Variants in CMTM3 observed in about 807,000 individuals in gnomAD.
The protein encoded by CMTM3 is CKLF like MARVEL transmembrane domain containing 3.
In CMTM3, 7 loss-of-function variants were observed where a neutral mutation model predicts 18.2. The observed-to-expected ratio is 0.38, with a 90% CI of 0.22 to 0.72. The LOEUF (loss-of-function observed/expected upper bound fraction) is 0.72, where lower values mean the gene tolerates loss of function less well. CMTM3 is among the 30% of genes least tolerant of loss of function. CMTM3 has a pLI of 0.46. For synonymous variants in CMTM3, 109 were observed against 111.2 expected (o/e 0.98, Z 0.12); for missense variants, 227 against 249.2 (o/e 0.91, Z 0.60).
chr16:66,609,757 A>AG lies in CMTM3; in HGVS notation c.400-122dup. ...TCATTTTCCCACTTCCGTTACTCAC[A>AG]GGGGTCTGTGCCTGACACTCGGGCT... On this transcript the variant is annotated intron_variant, in intron 3 of 4. Coordinates refer to ENST00000567572, the MANE Select transcript of CMTM3 (RefSeq NM_181553.4). The surrounding 1 kb of genome is among the most constrained non-coding windows in gnomAD (Gnocchi z 4.4). 1 of 1,594,538 alleles carries AG rather than the reference A, an allele frequency of 6.3e-7. No individual in the cohort carries two copies. The highest frequency in any genetic ancestry group is 8.5e-7 in the Non-Finnish European group (1 of 1,170,678).
chr16:66,609,835 G>C lies in CMTM3; in HGVS notation c.400-48G>C, dbSNP rs199547700. On this transcript the variant is annotated intron_variant, in intron 3 of 4. Coordinates refer to ENST00000567572, the MANE Select transcript of CMTM3 (RefSeq NM_181553.4). The surrounding 1 kb of genome is among the most constrained non-coding windows in gnomAD (Gnocchi z 4.4). The stretch of plus-strand genomic sequence containing the variant: ...CGTGAGGCTGGGGCAGCAGCCTCCC[G>C]GAGCAGGGAGTCAGCCCTGTGATGC... The C allele has an allele frequency of 6.2e-7, 1 of 1,614,050 alleles. No homozygotes were observed. Among genetic ancestry groups the C allele is most frequent in the Non-Finnish European group, 8.5e-7 (1 of 1,180,024 alleles).
upstream of CMTM3, chr16:66,604,126 TGCGCGCGC>T (rs112822114): frequency 0.12 from 18,897 of 152,058 alleles, 1,420 homozygotes; most frequent in African/African-American, 0.21. Context: ...TGTGTGTGTT[TGCGCGCGC>T]GCGCGCGTGT....
chr16:66,608,659 G>A lies in CMTM3; in HGVS notation c.303+195G>A, dbSNP rs1460592826. ...GCAGCCCTGTGACCTCAAGTGGGCTGTGGTGCCTCTAGAGCAGGTCTGTGA... is the reference window on the plus strand; with the variant it reads ...GCAGCCCTGTGACCTCAAGTGGGCTATGGTGCCTCTAGAGCAGGTCTGTGA... On this transcript the variant is annotated intron_variant, in intron 2 of 4. Coordinates refer to ENST00000567572, the MANE Select transcript of CMTM3 (RefSeq NM_181553.4). The surrounding 1 kb of genome is among the most constrained non-coding windows in gnomAD (Gnocchi z 5.1). 2.6e-5 allele frequency among the ~76,000 whole-genome samples: 4 copies of A among 152,236 alleles called. No homozygotes were observed. Among genetic ancestry groups the A allele is most frequent in the Admixed American group, 2.6e-4 (4 of 15,284 alleles).
At chr16:66,606,311 G>T (rs1340515062) in intron 1 of CMTM3, among the ~76,000 whole-genome samples, 1 of 152,098 alleles carries the variant, frequency 6.6e-6, no homozygotes. Context: ...ATTGAGAGGG[G>T]AATCCCCAGA....
In CMTM3 at chr16:66,609,533, G is replaced by A. The variant is rs200389814; in HGVS notation, c.399+3G>A. 2.3e-4 allele frequency: 369 copies of A among 1,591,722 alleles called. 1 individual carries two copies. The African/African-American group carries it at 3.9e-3, about 17-fold the overall frequency. On this transcript the variant is annotated splice_donor_region_variant and intron_variant, in intron 3 of 4. Transcript: ENST00000567572. This position sits in a 1 kb window ranked among gnomAD's most constrained non-coding sequence, Gnocchi z 4.4. ...ATGGGGCTTCCAAAGCCGCTGGGGT[G>A]AGCAGCCGCCCCACCCCTCTGGAAA...
chr16:66,607,840 T>TA lies in CMTM3; in HGVS notation c.148-469_148-468insA, dbSNP rs1318890051. ...GTGAGCCTGGGCCATGCTGGGTTTT[T>TA]TTTTTTTGTAGGGGCGGGTGCGGAC... On this transcript the variant is annotated intron_variant, in intron 1 of 4. Transcript: ENST00000567572. Among the ~76,000 whole-genome samples, 3 of 151,730 alleles carry TA rather than the reference T, an allele frequency of 2.0e-5. No homozygotes were observed. In the East Asian group the frequency reaches 5.8e-4, roughly 29 times the overall value.
At position 66,612,687 on chromosome 16, in the gene CMTM3, G is replaced by C; in HGVS notation, c.*50G>C. The C allele has an allele frequency of 6.3e-7, 1 of 1,593,900 alleles. No homozygotes were observed. Among genetic ancestry groups the C allele is most frequent in the Non-Finnish European group, 8.6e-7 (1 of 1,162,966 alleles). ...CTGAGCCACACAGGCCTCCACCCCT[G>C]CGCCTCACAGGGGTCGCTGGCGTTG... On this transcript the variant is annotated 3_prime_UTR_variant, in exon 5 of 5. Transcript: ENST00000567572. This position sits in a 1 kb window ranked among gnomAD's most constrained non-coding sequence, Gnocchi z 6.0.
intron 4 of CMTM3, among the ~76,000 whole-genome samples, chr16:66,611,713 G>A (rs932921906): frequency 6.6e-5 from 10 of 152,262 alleles, no homozygotes; most frequent in African/African-American, 2.4e-4. Flanking sequence ...TCCTTCTGGG[G>A]TGGAGGTTCC....
Position 66,610,127 on chromosome 16 carries a change from C to A in CMTM3, c.520+124C>A, listed in dbSNP as rs577939260. Reference sequence around the variant, plus strand: ...CTCTCCCCATGGCAGGAAGTGTTTTCACAGCCCATTCTCACCTACCCTCAT... The same window carrying A: ...CTCTCCCCATGGCAGGAAGTGTTTTAACAGCCCATTCTCACCTACCCTCAT... On this transcript the variant is annotated intron_variant, in intron 4 of 4. Transcript: ENST00000567572. This position sits in a 1 kb window ranked among gnomAD's most constrained non-coding sequence, Gnocchi z 4.6. 1.0e-5 allele frequency: 13 copies of A among 1,271,998 alleles called. No homozygotes were observed. In the South Asian group the frequency reaches 1.8e-4, roughly 17 times the overall value. The allele number at this position is 1,271,998 out of a possible 1,614,324, so 78.8% of individuals were successfully genotyped here. A position where few individuals can be genotyped will look rare whatever the true frequency, so the allele number is the denominator to read the frequency against.
At position 66,613,402 on chromosome 16, in the gene CMTM3, C is replaced by A; in HGVS notation, c.*765C>A. 2.4e-6 allele frequency: 1 copy of A among 414,980 alleles called. No individual in the cohort carries two copies. Among genetic ancestry groups the A allele is most frequent in the East Asian group, 3.9e-5 (1 of 25,406 alleles). 25.7% of individuals were successfully genotyped at this position (414,980 alleles called of 1,614,324 possible). A position where few individuals can be genotyped will look rare whatever the true frequency, so the allele number is the denominator to read the frequency against. Reference sequence around the variant, plus strand: ...GGGGAGCTGGGCGGGCCCAGCCAAACCCTCCTTCTTCCTAGAGCCCAGCCA... The same window carrying A: ...GGGGAGCTGGGCGGGCCCAGCCAAAACCTCCTTCTTCCTAGAGCCCAGCCA... On this transcript the variant is annotated 3_prime_UTR_variant, in exon 5 of 5. Coordinates refer to ENST00000567572, the MANE Select transcript of CMTM3 (RefSeq NM_181553.4).
chr16:66,612,712 G>A lies in CMTM3; in HGVS notation c.*75G>A. Reference sequence around the variant, plus strand: ...GCGCCTCACAGGGGTCGCTGGCGTTGGAGCGGAGGCCTGGACTTCTGAGTT... The same window carrying A: ...GCGCCTCACAGGGGTCGCTGGCGTTAGAGCGGAGGCCTGGACTTCTGAGTT... On this transcript the variant is annotated 3_prime_UTR_variant, in exon 5 of 5. Transcript: ENST00000567572. This position sits in a 1 kb window ranked among gnomAD's most constrained non-coding sequence, Gnocchi z 6.0. 6.8e-7 allele frequency: 1 copy of A among 1,463,980 alleles called. No individual in the cohort carries two copies. Among genetic ancestry groups the A allele is most frequent in the South Asian group, 1.2e-5 (1 of 86,338 alleles). 90.7% of individuals were successfully genotyped at this position (1,463,980 alleles called of 1,614,324 possible). A position where few individuals can be genotyped will look rare whatever the true frequency, so the allele number is the denominator to read the frequency against.
upstream of CMTM3, chr16:66,604,017 G>C (rs2015019356): frequency 1.3e-5 from 2 of 152,674 alleles, no homozygotes; most frequent in Middle Eastern, 6.8e-3. Context: ...AGATGTGCAC[G>C]CATGTGCGTG....
In CMTM3 at chr16:66,609,840, A is replaced by G. The variant is rs780269239; in HGVS notation, c.400-43A>G. 3 of 1,614,200 alleles carry G rather than the reference A, an allele frequency of 1.9e-6. No individual in the cohort carries two copies. Among genetic ancestry groups the G allele is most frequent in the Non-Finnish European group, 2.5e-6 (3 of 1,180,022 alleles). Reference sequence around the variant, plus strand: ...GGCTGGGGCAGCAGCCTCCCGGAGCAGGGAGTCAGCCCTGTGATGCATCCC... The same window carrying G: ...GGCTGGGGCAGCAGCCTCCCGGAGCGGGGAGTCAGCCCTGTGATGCATCCC... On this transcript the variant is annotated intron_variant, in intron 3 of 4. Coordinates refer to ENST00000567572, the MANE Select transcript of CMTM3 (RefSeq NM_181553.4). The surrounding 1 kb of genome is among the most constrained non-coding windows in gnomAD (Gnocchi z 4.4).
rs71392154 is a variant in CMTM3 at position 66,609,588 on chromosome 16, G to A, written c.399+58G>A. The A allele has an allele frequency of 1.3e-6, 2 of 1,535,976 alleles. No individual in the cohort carries two copies. The highest frequency in any genetic ancestry group is 2.7e-5 in the African/African-American group (2 of 73,122). ...AGATGCCCCTCTAGCCCCTCATTTA[G>A]GGTGGGACCTGGGGCAGAGCCTTTC... On this transcript the variant is annotated intron_variant, in intron 3 of 4. Transcript: ENST00000567572. This position sits in a 1 kb window ranked among gnomAD's most constrained non-coding sequence, Gnocchi z 4.4.
Position 66,610,152 on chromosome 16 carries a change from T to C in CMTM3, c.520+149T>C. 1 of 970,940 alleles carries C rather than the reference T, an allele frequency of 1.0e-6. No homozygotes were observed. The highest frequency in any genetic ancestry group is 1.5e-6 in the Non-Finnish European group (1 of 653,386). The allele number at this position is 970,940 out of a possible 1,614,324, so 60.1% of individuals were successfully genotyped here. On this transcript the variant is annotated intron_variant, in intron 4 of 4. Coordinates refer to ENST00000567572, the MANE Select transcript of CMTM3 (RefSeq NM_181553.4). The surrounding 1 kb of genome is among the most constrained non-coding windows in gnomAD (Gnocchi z 4.6). ...CACAGCCCATTCTCACCTACCCTCA[T>C]GCAGCACTGATCCAAAGCCAGTCCC...
Position 66,604,717 on chromosome 16 carries a change from C to G in CMTM3, c.-89C>G, listed in dbSNP as rs895615614. 3.8e-6 allele frequency: 4 copies of G among 1,051,512 alleles called. No individual in the cohort carries two copies. The African/African-American group carries it at 6.6e-5, about 17-fold the overall frequency. The allele number at this position is 1,051,512 out of a possible 1,614,324, so 65.1% of individuals were successfully genotyped here. A position where few individuals can be genotyped will look rare whatever the true frequency, so the allele number is the denominator to read the frequency against. On this transcript the variant is annotated 5_prime_UTR_variant, in exon 1 of 5. Transcript: ENST00000567572. Reference sequence around the variant, plus strand: ...CCTGCGCGAGCCAGTGTCGCCTGCCCTCCTTCCGCACAGCCCGGGTTTCCG... The same window carrying G: ...CCTGCGCGAGCCAGTGTCGCCTGCCGTCCTTCCGCACAGCCCGGGTTTCCG...
At position 66,612,530 on chromosome 16, in the gene CMTM3, G is replaced by GC. The variant is rs1418149858; in HGVS notation, c.521-78dup. On this transcript the variant is annotated intron_variant, in intron 4 of 4. Coordinates refer to ENST00000567572, the MANE Select transcript of CMTM3 (RefSeq NM_181553.4). This position sits in a 1 kb window ranked among gnomAD's most constrained non-coding sequence, Gnocchi z 6.0. ...CACCCAGGCTCCTGCCAGCAACCCA[G>GC]CTGTGCTTCCCCAGAGACCGTTCCC... is the stretch of plus-strand genomic sequence containing the variant. 4 of 1,482,578 alleles carry GC rather than the reference G, an allele frequency of 2.7e-6. No homozygotes were observed. Among genetic ancestry groups the GC allele is most frequent in the Non-Finnish European group, 3.7e-6 (4 of 1,071,024 alleles). 91.8% of individuals were successfully genotyped at this position (1,482,578 alleles called of 1,614,324 possible).
intron 4 of CMTM3, among the ~76,000 whole-genome samples, chr16:66,611,228 G>A (rs1363919160): frequency 6.6e-6 from 1 of 152,158 alleles, no homozygotes; most frequent in African/African-American, 2.4e-5. Context: ...CGAGACGGGT[G>A]GATCACTTGA....
rs2144762615 is a variant in CMTM3 at position 66,613,298 on chromosome 16, CTG to C, written c.*663_*664del. 1 of 605,694 alleles carries C rather than the reference CTG, an allele frequency of 1.7e-6. No individual in the cohort carries two copies. The highest frequency in any genetic ancestry group is 1.8e-5 in the African/African-American group (1 of 54,166). The allele number at this position is 605,694 out of a possible 1,614,324, so 37.5% of individuals were successfully genotyped here. On this transcript the variant is annotated 3_prime_UTR_variant, in exon 5 of 5. Coordinates refer to ENST00000567572, the MANE Select transcript of CMTM3 (RefSeq NM_181553.4). Reference sequence around the variant, plus strand: ...TGAGATGACCATTCTGGGTCTAAGACTGTTTCAAAGAAGAGCTCATAGACTGA... The same window carrying C: ...TGAGATGACCATTCTGGGTCTAAGACTTTCAAAGAAGAGCTCATAGACTGA...
Sources: gnomAD v4.1 joint callset for allele counts (sites outside exome capture counted in the v4.1 genomes callset) on GRCh38, gnomAD v4.1.1 for gene constraint, Gnocchi (gnomAD v3.1) non-coding constraint, MANE v1.5 for transcripts, NCBI Gene and HGNC (gene_info 2026-07-23, HGNC 2026-07-21) for gene names.